The following AOPEP variants were observed in gnomAD, a reference collection of about 807,000 sequenced individuals.
The protein encoded by AOPEP is aminopeptidase O.
A neutral mutation model predicts 98.1 loss-of-function variants in AOPEP; 77 were observed. The observed-to-expected ratio is 0.78, with a 90% confidence interval of 0.65 to 0.95. The LOEUF is 0.95. Among genes scored for constraint, AOPEP ranks in the 40% least tolerant of loss-of-function variants. AOPEP has a pLI of 0.00. For missense variants in AOPEP, 1,024 were observed against 1,024.7 expected, an observed-to-expected ratio of 1.00 and a Z score of 0.01; for synonymous variants, 346 against 365.3, an observed-to-expected ratio of 0.95 and a Z score of 0.60.
At chr9:94,897,110 T>C (rs938445965) in intron 5 of AOPEP, among the ~76,000 whole-genome samples, 2 of 152,014 alleles carry the variant, frequency 1.3e-5, no homozygotes, top group Admixed American at 6.6e-5. Flanking sequence ...AAAAAATAAA[T>C]GTGAGGATGA....
intron 5 of AOPEP, among the ~76,000 whole-genome samples, chr9:94,869,159 G>A (rs1429669426): frequency 1.3e-5 from 2 of 152,200 alleles, no homozygotes; most frequent in African/African-American, 4.8e-5. Flanking sequence ...AACCTGGGAG[G>A]CAGAGGCTGC....
chr9:94,837,334 G>A (rs2134665164), intron 5 of AOPEP, among the ~76,000 whole-genome samples: 1 of 152,270 alleles, frequency 6.6e-6, no homozygotes, highest in Middle Eastern at 3.4e-3. Flanking sequence ...CTTCAAAGAA[G>A]AATTGGTACC....
At chr9:95,111,468 T>G in the AOPEP span, 1 of 1,612,822 alleles carries the variant, frequency 6.2e-7, no homozygotes, top group Non-Finnish European at 8.5e-7. Context: ...CCCACCATAG[T>G]CTGTGCTCTC....
chr9:94,801,820 T>C (rs1197982658), intron 5 of AOPEP, among the ~76,000 whole-genome samples: 1 of 152,210 alleles, frequency 6.6e-6, no homozygotes, highest in African/African-American at 2.4e-5. Context: ...ACATGTGACT[T>C]CAAGTTTTTC....
In AOPEP at chr9:94,928,507, C is replaced by T; in HGVS notation, c.1637C>T (p.Ser546Phe). 1 of 1,550,682 alleles carries T rather than the reference C, an allele frequency of 6.4e-7. No individual in the cohort carries two copies. The highest frequency in any genetic ancestry group is 8.7e-7 in the Non-Finnish European group (1 of 1,146,968). Residue 546 changes from serine to phenylalanine, a missense_variant, in exon 7 of 17, where the codon TCC (serine) becomes TTC (phenylalanine). By Grantham distance (155) the Ser-to-Phe change is radical. This residue lies in a region of AOPEP where 566 missense variants were observed against 551.7 expected (regional missense o/e 1.03). Transcript: ENST00000375315. ...WRRLQDEMQC[S>F]PEEMQVLRPS... ...CGCCTCCAGGACGAGATGCAATGCT[C>T]CCCCGAGGAGATGCAGGTGTTAAGG...
the AOPEP span, chr9:95,110,501 T>C: frequency 3.9e-6 from 4 of 1,030,402 alleles, no homozygotes; most frequent in Non-Finnish European, 1.2e-6. Context: ...CTCAAATACA[T>C]ACGTGGGTTA....
intron 6 of AOPEP, among the ~76,000 whole-genome samples, 185 bp downstream of exon 6, chr9:94,924,360 G>A (rs1040626364): frequency 6.6e-6 from 1 of 152,146 alleles, no homozygotes; most frequent in African/African-American, 2.4e-5. Flanking sequence ...TCTAGAGATG[G>A]GAGAGAGAGT....
chr9:95,121,844 T>C, the AOPEP span, among the ~76,000 whole-genome samples: 2 of 151,562 alleles, frequency 1.3e-5, no homozygotes, highest in Non-Finnish European at 2.9e-5. Context: ...AAAGGGATAA[T>C]AAACATAAAA....
intron 3 of AOPEP, among the ~76,000 whole-genome samples, chr9:94,780,987 A>G (rs1251341825): frequency 6.6e-6 from 1 of 152,206 alleles, no homozygotes; most frequent in East Asian, 1.9e-4. Context: ...TCCTTGCTTC[A>G]TAAGGGAAAT....
the AOPEP span, among the ~76,000 whole-genome samples, chr9:95,129,309 A>G: frequency 2.6e-5 from 4 of 152,228 alleles, no homozygotes; most frequent in Admixed American, 1.3e-4. Flanking sequence ...CAGGTCAGGC[A>G]TATGTCCCAG....
chr9:95,079,301 T>A (rs2069445687), intron 14 of AOPEP, among the ~76,000 whole-genome samples: 1 of 152,246 alleles, frequency 6.6e-6, no homozygotes. Context: ...TGGATAATGA[T>A]GTCATTTACA....
At chr9:94,963,075 G>A (rs1420872493) in intron 9 of AOPEP, among the ~76,000 whole-genome samples, 1 of 152,076 alleles carries the variant, frequency 6.6e-6, no homozygotes, top group Non-Finnish European at 1.5e-5. Context: ...CCCACTAAAA[G>A]CCCTCTCTTG....
rs755804301 is a variant in AOPEP, at chr9:95,080,704, G to T, written c.2243G>T (p.Arg748Leu). 1.2e-6 allele frequency: 2 copies of T among 1,613,424 alleles called. No homozygotes were observed. Among genetic ancestry groups the T allele is most frequent in the Admixed American group, 3.3e-5 (2 of 59,966 alleles). Residue 748 changes from arginine (R) to leucine (L), a missense_variant, in exon 15 of 17, where the codon CGG (arginine) becomes CTG (leucine). Physicochemically the swap from Arg to Leu is moderately radical, Grantham distance 102. Around this residue, in one of 3 missense-constraint regions of AOPEP, gnomAD observed 566 missense variants for 551.7 expected, o/e 1.03. Coordinates refer to ENST00000375315, the MANE Select transcript of AOPEP (RefSeq NM_001193329.3). ...CTCTTGTTCCTCCAGGTTCGCCATC[G>T]GTGGTGTGAACTCATTGTTAAGCAC... is the stretch of plus-strand genomic sequence containing the variant. ...LQDQDAEVRH[R>L]WCELIVKHKF...
rs564283850 is a variant in AOPEP at position 94,903,583 on chromosome 9, G to A, written c.1365-20403G>A. Among the ~76,000 whole-genome samples, 111 of 146,562 alleles carry A rather than the reference G, an allele frequency of 7.6e-4. 3 individuals carry two copies. In the South Asian group the frequency reaches 0.022, roughly 29 times the overall value. On this transcript the variant is annotated intron_variant, in intron 5 of 16. Transcript: ENST00000375315. ...GTGGGAAGATTGCTTGAGGCCAGGA[G>A]TTCAAGACCAGCCTGGGCAATGTAG... is the stretch of plus-strand genomic sequence containing the variant.
intron 5 of AOPEP, among the ~76,000 whole-genome samples, chr9:94,854,713 T>C (rs1306796682): frequency 6.6e-6 from 1 of 152,244 alleles, no homozygotes; most frequent in African/African-American, 2.4e-5. Context: ...TCTTCCCCGA[T>C]GGAACATTTA....
At chr9:95,080,939 A>C (rs2069681105) in intron 15 of AOPEP, 159 bp downstream of exon 15, 4 of 630,444 alleles carry the variant, frequency 6.3e-6, no homozygotes, top group Non-Finnish European at 1.1e-5. Flanking sequence ...GATTTTTCTG[A>C]GCTGCTTTTT....
intron 13 of AOPEP, among the ~76,000 whole-genome samples, chr9:95,026,791 T>TACC (rs1056216696): frequency 6.6e-6 from 1 of 152,246 alleles, no homozygotes; most frequent in African/African-American, 2.4e-5. Context: ...AAAGTGGCTA[T>TACC]ACCACATTAC....
chr9:94,808,998 T>A (rs1237335816), intron 5 of AOPEP, among the ~76,000 whole-genome samples: 1 of 152,240 alleles, frequency 6.6e-6, no homozygotes, highest in Non-Finnish European at 1.5e-5. Flanking sequence ...AACATCCTAT[T>A]GAAAGCGCAG....
In AOPEP at chr9:94,894,337, G is replaced by T. The variant is rs183792220; in HGVS notation, c.1365-29649G>T. Among the ~76,000 whole-genome samples the T allele has an allele frequency of 1.2e-4, 19 of 152,216 alleles. No individual in the cohort carries two copies. In the East Asian group the frequency reaches 3.1e-3, roughly 25 times the overall value. ...GCTAACTGCATTAAGAGGGGAAAGA[G>T]AAAAACTCACTAATCCAGAGGATTA... is the stretch of plus-strand genomic sequence containing the variant. On this transcript the variant is annotated intron_variant, in intron 5 of 16. Transcript: ENST00000375315.
Sources: allele counts gnomAD v4.1 joint callset (sites outside exome capture counted in the v4.1 genomes callset), GRCh38; gene constraint gnomAD v4.1.1; regional missense constraint gnomAD v4.1.1; transcripts MANE v1.5; gene names NCBI Gene and HGNC (gene_info 2026-07-23, HGNC 2026-07-21).